RALGAPA2: variants seen among roughly 807,000 people sequenced by gnomAD.
RALGAPA2 encodes Ral GTPase activating protein catalytic subunit alpha 2.
In RALGAPA2, 139 loss-of-function variants were observed where a neutral mutation model predicts 230.4. The observed-to-expected ratio is 0.60, with a 90% CI of 0.53 to 0.69. RALGAPA2 has a LOEUF of 0.69. Ranked by LOEUF, RALGAPA2 falls within the 30% of genes least tolerant of loss-of-function variation. RALGAPA2 has a pLI of 0.00. For synonymous variants in RALGAPA2, 847 were observed against 837.8 expected (o/e 1.01, Z -0.19); for missense variants, 2,163 against 2,276.0 (o/e 0.95, Z 1.01).
rs974063421 is a variant in RALGAPA2, at chr20:20,526,149, A to G, written c.3693+103T>C. 1.0e-5 allele frequency: 9 copies of G among 896,546 alleles called. No homozygotes were observed. In the Admixed American group the frequency reaches 1.8e-4, roughly 18 times the overall value. 55.5% of individuals were successfully genotyped at this position (896,546 alleles called of 1,614,324 possible). On this transcript the variant is annotated intron_variant, in intron 28 of 39. Transcript: ENST00000202677. ...AACGAGTGACTTGTGGCAATTTAAT[A>G]GTTGGTTCTCTAACAATTATTTGAA...
chr20:20,617,016 T>C (rs2066166809), intron 12 of RALGAPA2, among the ~76,000 whole-genome samples: 1 of 152,144 alleles, frequency 6.6e-6, no homozygotes, highest in Admixed American at 6.5e-5. Flanking sequence ...TACAGCAAAA[T>C]AACGGTGTGT....
chr20:20,490,865 C>CAT (rs1164040376), intron 36 of RALGAPA2, among the ~76,000 whole-genome samples: 10 of 147,966 alleles, frequency 6.8e-5, no homozygotes, highest in Non-Finnish European at 1.2e-4. Context: ...CACATGAACA[C>CAT]ACACACACAC....
At chr20:20,570,383 G>A (rs180817295) in intron 23 of RALGAPA2, among the ~76,000 whole-genome samples, 11 of 152,154 alleles carry the variant, frequency 7.2e-5, no homozygotes, top group African/African-American at 1.9e-4. Flanking sequence ...TGTACCCTGA[G>A]GTATCAAAAG....
Position 20,620,573 on chromosome 20 carries a change from T to C in RALGAPA2, c.1291A>G (p.Arg431Gly). Residue 431 changes from arginine (R) to glycine (G), a missense_variant, in exon 11 of 40, where the codon AGA (arginine) becomes GGA (glycine). Arg to Gly is a moderately radical substitution (Grantham distance 125). Transcript: ENST00000202677. Reference sequence around the variant, plus strand: ...GGTTTGTCCTGGAGAATCCACTTTCTGTACACTTGAACTACTTTTCTTGTT... The same window carrying C: ...GGTTTGTCCTGGAGAATCCACTTTCCGTACACTTGAACTACTTTTCTTGTT... Reference protein sequence around the residue: ...AVTRKVVQVYRKWILQDKPVF... With the variant: ...AVTRKVVQVYGKWILQDKPVF... 6.2e-7 allele frequency: 1 copy of C among 1,613,890 alleles called. No homozygotes were observed. The highest frequency in any genetic ancestry group is 8.5e-7 in the Non-Finnish European group (1 of 1,179,832).
chr20:20,564,845 G>A (rs2064363930), intron 23 of RALGAPA2, among the ~76,000 whole-genome samples: 1 of 152,154 alleles, frequency 6.6e-6, no homozygotes, highest in Non-Finnish European at 1.5e-5. Flanking sequence ...TGAATTCTTG[G>A]AAGTACATTT....
At chr20:20,565,153 A>G (rs2064374007) in intron 23 of RALGAPA2, among the ~76,000 whole-genome samples, 1 of 152,238 alleles carries the variant, frequency 6.6e-6, no homozygotes, top group Non-Finnish European at 1.5e-5. Flanking sequence ...AGAGACATGT[A>G]TTAAAATTAT....
Position 20,526,336 on chromosome 20 carries a change from T to C in RALGAPA2, c.3609A>G (p.Val1203=). ...CCAGCAACTGAAGGACATCGCAAGC[T>C]ACCTGGGCCACGATTTTGTTGGGAA... ...LKFPNKIVAQ[V]ACDVLQLLVS... Residue 1203 remains valine, a synonymous_variant, in exon 28 of 40, where the codon GTA becomes GTG. Coordinates refer to ENST00000202677, the MANE Select transcript of RALGAPA2 (RefSeq NM_020343.4). The C allele has an allele frequency of 1.9e-6, 3 of 1,601,070 alleles. No homozygotes were observed. The highest frequency in any genetic ancestry group is 1.7e-6 in the Non-Finnish European group (2 of 1,176,296).
At chr20:20,582,787 T>C (rs2065025681) in intron 20 of RALGAPA2, among the ~76,000 whole-genome samples, 1 of 152,308 alleles carries the variant, frequency 6.6e-6, no homozygotes, top group East Asian at 1.9e-4. Flanking sequence ...CAATAAGCTA[T>C]CTAAACTCTT....
chr20:20,612,975 G>A (rs1230017557), intron 13 of RALGAPA2, among the ~76,000 whole-genome samples: 1 of 152,198 alleles, frequency 6.6e-6, no homozygotes, highest in Non-Finnish European at 1.5e-5. Context: ...GTAAAGCCTT[G>A]ATCATGGCAA....
intron 11 of RALGAPA2, 78 bp downstream of exon 11, chr20:20,620,385 A>T (rs1450130860): frequency 6.9e-7 from 1 of 1,452,184 alleles, no homozygotes; most frequent in Non-Finnish European, 9.4e-7. Context: ...TGTCCCATTG[A>T]CAAGACTCTT....
chr20:20,697,541 C>T (rs907138149), intron 1 of RALGAPA2, among the ~76,000 whole-genome samples: 4 of 152,074 alleles, frequency 2.6e-5, no homozygotes, highest in African/African-American at 7.2e-5. Context: ...AATGCCTTTC[C>T]TCTACTTTCT....
chr20:20,502,992 G>A (rs937734470), intron 35 of RALGAPA2, among the ~76,000 whole-genome samples: 3 of 152,152 alleles, frequency 2.0e-5, no homozygotes, highest in Non-Finnish European at 4.4e-5. Context: ...GGCAACAGTG[G>A]GGCGGCTGAG....
intron 3 of RALGAPA2, among the ~76,000 whole-genome samples, chr20:20,669,282 T>G (rs1603228781): frequency 6.6e-6 from 1 of 152,232 alleles, no homozygotes. Flanking sequence ...GCATACAACA[T>G]GGCAGAAAGC....
At chr20:20,489,047 G>A (rs895242585) in intron 36 of RALGAPA2, among the ~76,000 whole-genome samples, 3 of 152,196 alleles carry the variant, frequency 2.0e-5, no homozygotes, top group Non-Finnish European at 4.4e-5. Context: ...GAAGGGTGAC[G>A]GGAGTGGCCT....
At position 20,409,054 on chromosome 20, in the gene RALGAPA2, C is replaced by T. The variant is rs576043911; in HGVS notation, c.5617+2973G>A. Among the ~76,000 whole-genome samples the T allele has an allele frequency of 3.9e-5, 6 of 152,308 alleles. No homozygotes were observed. The East Asian group carries it at 1.2e-3, about 29-fold the overall frequency. ...GAGCGCTCATATATTAGCAGCTACA[C>T]CACCATGTGTGGTTGACGGCGCATC... On this transcript the variant is annotated intron_variant, in intron 38 of 39. Transcript: ENST00000202677.
intron 37 of RALGAPA2, among the ~76,000 whole-genome samples, chr20:20,459,698 G>A (rs998265409): frequency 3.9e-5 from 6 of 152,128 alleles, no homozygotes; most frequent in East Asian, 1.9e-4. Flanking sequence ...TATAATCAGC[G>A]TATGAATATC....
rs1314371374 is a variant in RALGAPA2, at chr20:20,434,722, A to T, written c.5496-22574T>A. 3.9e-5 allele frequency among the ~76,000 whole-genome samples: 6 copies of T among 151,970 alleles called. No homozygotes were observed. In the East Asian group the frequency reaches 1.2e-3, roughly 29 times the overall value. ...AAGCTGATGCAGGAGTATATTTTGA[A>T]CCCAGGAGTTTGAGGCCAGTCTGGA... is the stretch of plus-strand genomic sequence containing the variant. On this transcript the variant is annotated intron_variant, in intron 37 of 39. Coordinates refer to ENST00000202677, the MANE Select transcript of RALGAPA2 (RefSeq NM_020343.4).
intron 20 of RALGAPA2, among the ~76,000 whole-genome samples, chr20:20,576,943 T>C (rs377200268): frequency 2.0e-5 from 3 of 152,190 alleles, no homozygotes; most frequent in African/African-American, 4.8e-5. Context: ...ATTTGCTTTC[T>C]AGTACATGCA....
intron 39 of RALGAPA2, among the ~76,000 whole-genome samples, chr20:20,395,226 C>A (rs1274269757): frequency 6.6e-6 from 1 of 152,218 alleles, no homozygotes; most frequent in Admixed American, 6.5e-5. Context: ...TGCCACAGTG[C>A]CCTACACAGG....
Sources: allele counts gnomAD v4.1 joint callset (sites outside exome capture counted in the v4.1 genomes callset), GRCh38; gene constraint gnomAD v4.1.1; transcripts MANE v1.5; gene names NCBI Gene and HGNC (gene_info 2026-07-23, HGNC 2026-07-21).